Variants in TIMELESS observed in about 807,000 individuals in gnomAD.
TIMELESS encodes timeless circadian regulator, also known as protein timeless homolog.
Under a neutral mutation model 164.3 loss-of-function variants are expected in TIMELESS, and 124 were observed. The ratio of observed to expected loss-of-function variants is 0.75; its 90% CI spans 0.65 to 0.88. The LOEUF is 0.88. TIMELESS is among the 40% of genes least tolerant of loss of function. The pLI is 0.00. For synonymous variants in TIMELESS, 564 were observed against 563.4 expected (o/e 1.00, Z -0.02); for missense variants, 1,422 against 1,491.4 (o/e 0.95, Z 0.77).
intron 1 of TIMELESS, among the ~76,000 whole-genome samples, chr12:56,437,740 C>T (rs1410981215): frequency 6.6e-6 from 1 of 152,138 alleles, no homozygotes; most frequent in Non-Finnish European, 1.5e-5. Context: ...GGCAGCTCTT[C>T]AGGGCAAGTC....
chr12:56,443,857 A>G (rs2136155119), intron 1 of TIMELESS, among the ~76,000 whole-genome samples: 1 of 151,300 alleles, frequency 6.6e-6, no homozygotes, highest in African/African-American at 2.4e-5. Flanking sequence ...CTGCAACCTG[A>G]GCAGGGCCTT....
intron 13 of TIMELESS, among the ~76,000 whole-genome samples, chr12:56,425,902 A>T (rs967339066): frequency 8.6e-5 from 13 of 151,938 alleles, no homozygotes; most frequent in Middle Eastern, 3.4e-3. Flanking sequence ...ATAAATAATT[A>T]AAAAAAAGAA....
chr12:56,433,760 C>T lies in TIMELESS; in HGVS notation c.251+13G>A. 1 of 1,613,986 alleles carries T rather than the reference C, an allele frequency of 6.2e-7. No homozygotes were observed. Among genetic ancestry groups the T allele is most frequent in the South Asian group, 1.1e-5 (1 of 91,070 alleles). ...CTGGCAGGTGGCAAAAGTTTAAAAG[C>T]TAGGGAGGCAACCTGATAACAGCAT... On this transcript the variant is annotated intron_variant, in intron 3 of 28. Transcript: ENST00000553532.
intron 7 of TIMELESS, 56 bp from the exon 8 acceptor site, chr12:56,431,660 T>G: frequency 6.3e-7 from 1 of 1,581,412 alleles, no homozygotes; most frequent in South Asian, 1.1e-5. Flanking sequence ...TATCCTGAGT[T>G]CACGCCTACT....
At position 56,433,768 on chromosome 12, in the gene TIMELESS, G is replaced by A. The variant is rs1196038073; in HGVS notation, c.251+5C>T. 1.9e-6 allele frequency: 3 copies of A among 1,614,144 alleles called. No homozygotes were observed. Among genetic ancestry groups the A allele is most frequent in the South Asian group, 2.2e-5 (2 of 91,086 alleles). Reference sequence around the variant, plus strand: ...TGGCAAAAGTTTAAAAGCTAGGGAGGCAACCTGATAACAGCATCAAAGAGA... The same window carrying A: ...TGGCAAAAGTTTAAAAGCTAGGGAGACAACCTGATAACAGCATCAAAGAGA... On this transcript the variant is annotated splice_donor_5th_base_variant and intron_variant, in intron 3 of 28. Transcript: ENST00000553532.
At chr12:56,434,987 AGCT>A (rs1184407420) in intron 1 of TIMELESS, among the ~76,000 whole-genome samples, 1 of 152,152 alleles carries the variant, frequency 6.6e-6, no homozygotes, top group Non-Finnish European at 1.5e-5. Context: ...GGTTGCAGTG[AGCT>A]GTGATTGCAC....
intron 1 of TIMELESS, among the ~76,000 whole-genome samples, chr12:56,434,514 G>A (rs2136146693): frequency 6.6e-6 from 1 of 152,314 alleles, no homozygotes; most frequent in South Asian, 2.1e-4. Flanking sequence ...AAGGCAGGCA[G>A]ATCACCTGAG....
intron 1 of TIMELESS, among the ~76,000 whole-genome samples, chr12:56,443,049 A>G (rs1329828283): frequency 1.3e-5 from 2 of 152,176 alleles, no homozygotes; most frequent in Non-Finnish European, 2.9e-5. Flanking sequence ...ATTGTTTGTA[A>G]AACGTGTGTT....
In TIMELESS at chr12:56,420,550, CTG is replaced by C; in HGVS notation, c.3228+17_3228+18del. On this transcript the variant is annotated intron_variant, in intron 26 of 28. Coordinates refer to ENST00000553532, the MANE Select transcript of TIMELESS (RefSeq NM_003920.5). Reference sequence around the variant, plus strand: ...TAGGACTAACACGCCTTGGTTGACACTGTAACTGACATATTTACCTGCCCAGA... The same window carrying C: ...TAGGACTAACACGCCTTGGTTGACACTAACTGACATATTTACCTGCCCAGA... 1 of 1,608,558 alleles carries C rather than the reference CTG, an allele frequency of 6.2e-7. No individual in the cohort carries two copies. The highest frequency in any genetic ancestry group is 8.5e-7 in the Non-Finnish European group (1 of 1,175,008).
At chr12:56,447,941 C>A (rs1490038425) in intron 1 of TIMELESS, among the ~76,000 whole-genome samples, 1 of 152,168 alleles carries the variant, frequency 6.6e-6, no homozygotes, top group East Asian at 1.9e-4. Flanking sequence ...CAGCCACAAT[C>A]TTTCCACGTG....
chr12:56,424,011 A>T, intron 15 of TIMELESS, 117 bp from the exon 16 acceptor site: 1 of 887,524 alleles, frequency 1.1e-6, no homozygotes, highest in Non-Finnish European at 1.7e-6. Context: ...ACAGAATGCA[A>T]ACTGTTACCT....
Position 56,424,826 on chromosome 12 carries a change from G to T in TIMELESS, c.1804C>A (p.Arg602=), listed in dbSNP as rs151238555. ...VEEQRAEAMV[R]IQDCLLAGQA... ...CCAGCCAGGAGACAGTCTTGGATCC[G>T]TACCATAGCTTCTGCCCGCTGCTCC... Residue 602 remains arginine, a synonymous_variant, in exon 15 of 29, where the codon CGG becomes AGG. Coordinates refer to ENST00000553532, the MANE Select transcript of TIMELESS (RefSeq NM_003920.5). 43 of 1,614,196 alleles carry T rather than the reference G, an allele frequency of 2.7e-5. No homozygotes were observed. The highest frequency in any genetic ancestry group is 1.5e-4 in the African/African-American group (11 of 75,048).
chr12:56,440,975 G>A (rs1868266112), intron 1 of TIMELESS, among the ~76,000 whole-genome samples: 1 of 131,148 alleles, frequency 7.6e-6, no homozygotes, highest in Admixed American at 7.3e-5. Context: ...GTGCCACCAT[G>A]CCAGGCTAAT....
At chr12:56,427,416 C>T (rs1483823179) in intron 13 of TIMELESS, among the ~76,000 whole-genome samples, 1 of 152,210 alleles carries the variant, frequency 6.6e-6, no homozygotes, top group African/African-American at 2.4e-5. Flanking sequence ...AGCCACTGTG[C>T]CCAGCCTGTC....
chr12:56,438,933 G>A (rs1011956755), intron 1 of TIMELESS, among the ~76,000 whole-genome samples: 5 of 151,828 alleles, frequency 3.3e-5, no homozygotes, highest in Non-Finnish European at 2.9e-5. Flanking sequence ...GGAGGCCAAG[G>A]TGGGCAGATC....
At position 56,418,183 on chromosome 12, in the gene TIMELESS, C is replaced by T; in HGVS notation, c.3405G>A (p.Arg1135=). ...HCKEHRAQAL[R]ALLLAHKKKA... is the part of the protein sequence containing the mutation. ...TCTTCTTGTGGGCTAGCAAGAGGGCCCTCAGGGCTTGTGCTCGGTGCTCTT... is the reference window on the plus strand; with the variant it reads ...TCTTCTTGTGGGCTAGCAAGAGGGCTCTCAGGGCTTGTGCTCGGTGCTCTT... Residue 1135 remains arginine, a synonymous_variant, in exon 27 of 29, where the codon AGG becomes AGA. Transcript: ENST00000553532. The T allele has an allele frequency of 6.2e-7, 1 of 1,614,214 alleles. No homozygotes were observed. The highest frequency in any genetic ancestry group is 8.5e-7 in the Non-Finnish European group (1 of 1,180,052).
Position 56,417,957 on chromosome 12 carries a change from T to A in TIMELESS, c.3506A>T (p.Gln1169Leu). The change falls in exon 28 of 29, where the codon CAA (glutamine) becomes CTA (leucine). Residue 1169 changes from glutamine to leucine, a missense_variant. Coordinates refer to ENST00000553532, the MANE Select transcript of TIMELESS (RefSeq NM_003920.5). ...EPLKAAPKKR[Q>L]LLDSDEEQEE... ...CTGTTCCTCGTCGCTGTCCAGCAAT[T>A]GTCGTTTCTTGGGTGCTGCCTTCAG... 6.2e-7 allele frequency: 1 copy of A among 1,614,218 alleles called. No homozygotes were observed. The highest frequency in any genetic ancestry group is 8.5e-7 in the Non-Finnish European group (1 of 1,180,044).
chr12:56,430,361 A>G lies in TIMELESS; in HGVS notation c.910-80T>C, dbSNP rs1881835767. ...CAGCTCTCGTCAATTTTCTCAGAAGAAACTAATTTTTGTTTTTCTTTTGAG... is the reference window on the plus strand; with the variant it reads ...CAGCTCTCGTCAATTTTCTCAGAAGGAACTAATTTTTGTTTTTCTTTTGAG... On this transcript the variant is annotated intron_variant, in intron 9 of 28. Coordinates refer to ENST00000553532, the MANE Select transcript of TIMELESS (RefSeq NM_003920.5). The G allele has an allele frequency of 2.5e-5, 38 of 1,504,678 alleles. No individual in the cohort carries two copies. The South Asian group carries it at 4.6e-4, about 18-fold the overall frequency. 93.2% of individuals were successfully genotyped at this position (1,504,678 alleles called of 1,614,324 possible).
intron 11 of TIMELESS, 103 bp downstream of exon 11, chr12:56,428,780 C>T: frequency 6.7e-7 from 1 of 1,489,162 alleles, no homozygotes; most frequent in Non-Finnish European, 9.3e-7. Flanking sequence ...GTCCTTGCTC[C>T]CCAGACTGAT....
Sources: gnomAD v4.1 joint callset for allele counts (sites outside exome capture counted in the v4.1 genomes callset) on GRCh38, gnomAD v4.1.1 for gene constraint, MANE v1.5 for transcripts, NCBI Gene and HGNC (gene_info 2026-07-23, HGNC 2026-07-21) for gene names.